CACNA1I: variants seen among roughly 807,000 people sequenced by gnomAD.
CACNA1I encodes the protein voltage-dependent T-type calcium channel subunit alpha-1I.
Under a neutral mutation model 201.6 loss-of-function variants are expected in CACNA1I, and 74 were observed. That is an observed-to-expected ratio of 0.37 (90% confidence interval 0.30 to 0.45). The LOEUF (loss-of-function observed/expected upper bound fraction) is 0.45, where lower values mean the gene tolerates loss of function less well. Among genes scored for constraint, CACNA1I ranks in the 20% least tolerant of loss-of-function variants. CACNA1I has a pLI of 1.00. For synonymous variants in CACNA1I, 1,431 were observed against 1,345.2 expected, an observed-to-expected ratio of 1.06 and a Z score of -1.40; for missense variants, 2,346 against 3,138.1, an observed-to-expected ratio of 0.75 and a Z score of 6.03.
At chr22:39,616,382 A>T (rs988135957) in intron 3 of CACNA1I, among the ~76,000 whole-genome samples, 1 of 152,146 alleles carries the variant, frequency 6.6e-6, no homozygotes, top group Non-Finnish European at 1.5e-5. Context: ...CCCCTTTGAC[A>T]TCCAGTCACA....
At chr22:39,583,954 T>C (rs895185130) in intron 1 of CACNA1I, among the ~76,000 whole-genome samples, 2 of 151,840 alleles carry the variant, frequency 1.3e-5, no homozygotes, top group Non-Finnish European at 2.9e-5. Context: ...AGGTTGGAGG[T>C]AGAGGTTGTA....
intron 5 of CACNA1I, among the ~76,000 whole-genome samples, chr22:39,637,995 A>C (rs957772706): frequency 6.6e-6 from 1 of 152,026 alleles, no homozygotes; most frequent in Non-Finnish European, 1.5e-5. Flanking sequence ...GTGCAGTGGC[A>C]TGATCTCAGC....
chr22:39,583,063 TCCA>T (rs1932617034), intron 1 of CACNA1I, among the ~76,000 whole-genome samples: 1 of 147,362 alleles, frequency 6.8e-6, no homozygotes, highest in African/African-American at 2.5e-5. Context: ...CATCCATCCA[TCCA>T]TCCATCCATC....
chr22:39,685,592 C>T lies in CACNA1I; in HGVS notation c.6028-169C>T, dbSNP rs1935836832. On this transcript the variant is annotated intron_variant, in intron 36 of 36. Coordinates refer to ENST00000402142, the MANE Select transcript of CACNA1I (RefSeq NM_021096.4). This position sits in a 1 kb window ranked among gnomAD's most constrained non-coding sequence, Gnocchi z 5.0. ...GGGACCTCTCGGGGCAGGTGAAGGC[C>T]CTGCGGTGACGCCGCCTAAGCTGGA... Among the ~76,000 whole-genome samples the T allele has an allele frequency of 1.3e-5, 2 of 152,080 alleles. No individual in the cohort carries two copies. The highest frequency in any genetic ancestry group is 4.8e-5 in the African/African-American group (2 of 41,424).
Position 39,682,618 on chromosome 22 carries a change from A to G in CACNA1I, c.5787A>G (p.Pro1929=), listed in dbSNP as rs780876068. 1.9e-6 allele frequency: 3 copies of G among 1,613,516 alleles called. No homozygotes were observed. In the East Asian group the frequency reaches 6.7e-5, roughly 36 times the overall value. Residue 1929 remains proline, a synonymous_variant, in exon 35 of 37, where the codon CCA becomes CCG. Coordinates refer to ENST00000402142, the MANE Select transcript of CACNA1I (RefSeq NM_021096.4). ...ENFLCEMEEI[P]FNPVRSWLKH... ...TCCTGTGTGAGATGGAGGAGATCCC[A>G]TTCAACCCTGTCCGGTCCTGGCTGA...
chr22:39,626,006 C>T (rs1933889865), intron 4 of CACNA1I, among the ~76,000 whole-genome samples: 1 of 152,198 alleles, frequency 6.6e-6, no homozygotes, highest in Non-Finnish European at 1.5e-5. Context: ...CAGGCTGTGG[C>T]GCAGGGGCGA....
chr22:39,620,158 C>CCTGTCCATCCAT (rs1933695999), intron 4 of CACNA1I, among the ~76,000 whole-genome samples: 1 of 111,556 alleles, frequency 9.0e-6, no homozygotes, highest in Non-Finnish European at 1.8e-5. Flanking sequence ...CATCCATCCA[C>CCTGTCCATCCAT]CCACCCATCC....
In CACNA1I at chr22:39,681,065, G is replaced by T; in HGVS notation, c.5664+13G>T. ...CAAAGACAGCAAGGTCAGCTCCCCT[G>T]GGGACTCCTGAGCAGGCGGGTCTGT... On this transcript the variant is annotated intron_variant, in intron 34 of 36. Transcript: ENST00000402142. 1 of 1,604,796 alleles carries T rather than the reference G, an allele frequency of 6.2e-7. No individual in the cohort carries two copies. Among genetic ancestry groups the T allele is most frequent in the South Asian group, 1.1e-5 (1 of 90,086 alleles).
At chr22:39,673,293 C>T (rs1350950710) in intron 28 of CACNA1I, among the ~76,000 whole-genome samples, 2 of 152,084 alleles carry the variant, frequency 1.3e-5, no homozygotes, top group African/African-American at 2.4e-5. Context: ...CACACACCTC[C>T]CCCAACACAC....
chr22:39,658,852 C>A (rs1403800056), intron 11 of CACNA1I, 79 bp from the exon 12 acceptor site: 3 of 1,215,520 alleles, frequency 2.5e-6, no homozygotes, highest in Non-Finnish European at 3.5e-6. Context: ...GTTTTCCCTT[C>A]TCCCTCTGTC....
intron 10 of CACNA1I, 144 bp from the exon 11 acceptor site, chr22:39,658,008 T>C: frequency 1.2e-6 from 1 of 801,796 alleles, no homozygotes; most frequent in Non-Finnish European, 2.0e-6. Flanking sequence ...CCTCGGGGCC[T>C]TGTGCATGGG....
intron 3 of CACNA1I, among the ~76,000 whole-genome samples, chr22:39,613,592 G>C (rs928534426): frequency 6.6e-6 from 1 of 152,226 alleles, no homozygotes; most frequent in East Asian, 1.9e-4. Context: ...CACAAGCAGC[G>C]AGCTGGGATT....
At chr22:39,650,477 C>G (rs1013661557) in intron 10 of CACNA1I, among the ~76,000 whole-genome samples, 2 of 152,180 alleles carry the variant, frequency 1.3e-5, no homozygotes, top group Non-Finnish European at 2.9e-5. Context: ...TCCATTCCCC[C>G]CCAAACAGCT....
At chr22:39,593,576 G>C (rs532906656) in intron 1 of CACNA1I, among the ~76,000 whole-genome samples, 11 of 152,344 alleles carry the variant, frequency 7.2e-5, no homozygotes, top group African/African-American at 2.6e-4. Context: ...GCTGAGGCCA[G>C]TGAGTGATAA....
At chr22:39,614,803 A>G (rs1933484197) in intron 3 of CACNA1I, among the ~76,000 whole-genome samples, 1 of 152,084 alleles carries the variant, frequency 6.6e-6, no homozygotes, top group Non-Finnish European at 1.5e-5. Flanking sequence ...TGGCCCCTCT[A>G]CCAGTCTGAC....
In CACNA1I at chr22:39,649,482, C is replaced by G; in HGVS notation, c.1568-19C>G. 6.4e-7 allele frequency: 1 copy of G among 1,552,012 alleles called. No individual in the cohort carries two copies. Among genetic ancestry groups the G allele is most frequent in the Non-Finnish European group, 8.7e-7 (1 of 1,148,824 alleles). Reference sequence around the variant, plus strand: ...CTGGTGTGGGCAACGACTCTATGCCCCTCTCATTTGCTTTTCAGAGCTGTG... The same window carrying G: ...CTGGTGTGGGCAACGACTCTATGCCGCTCTCATTTGCTTTTCAGAGCTGTG... On this transcript the variant is annotated intron_variant, in intron 9 of 36. Transcript: ENST00000402142. The surrounding 1 kb of genome is among the most constrained non-coding windows in gnomAD (Gnocchi z 7.3).
chr22:39,640,671 C>A (rs1176135522), intron 5 of CACNA1I, among the ~76,000 whole-genome samples, 196 bp from the exon 6 acceptor site: 1 of 152,142 alleles, frequency 6.6e-6, no homozygotes, highest in Non-Finnish European at 1.5e-5. Context: ...GAGAAGGGGA[C>A]CACAGTGGGC....
At chr22:39,593,105 G>A (rs1436512934) in intron 1 of CACNA1I, among the ~76,000 whole-genome samples, 1 of 152,208 alleles carries the variant, frequency 6.6e-6, no homozygotes, top group Admixed American at 6.6e-5. Context: ...GCAGCCCAGG[G>A]ATGAAAGCCA....
At chr22:39,588,588 C>T (rs187985903) in intron 1 of CACNA1I, among the ~76,000 whole-genome samples, 11 of 151,782 alleles carry the variant, frequency 7.2e-5, no homozygotes, top group Admixed American at 3.9e-4. Flanking sequence ...GGTTTCACCG[C>T]GTTAGCCAAG....
Sources: gnomAD v4.1 joint callset for allele counts (sites outside exome capture counted in the v4.1 genomes callset) on GRCh38, gnomAD v4.1.1 for gene constraint, Gnocchi (gnomAD v3.1) non-coding constraint, MANE v1.5 for transcripts, NCBI Gene and HGNC (gene_info 2026-07-23, HGNC 2026-07-21) for gene names.